Variants in SPEM2 observed in about 807,000 individuals in gnomAD.
The protein encoded by SPEM2 is SPEM family member 2, also known as uncharacterized protein SPEM2.
In SPEM2, 15 loss-of-function variants were observed where a neutral mutation model predicts 9.3. The ratio of observed to expected loss-of-function variants is 1.62; its 90% confidence interval spans 1.08 to 2.50. The LOEUF (loss-of-function observed/expected upper bound fraction) is 2.50, where lower values mean the gene tolerates loss of function less well. Among genes scored for constraint, SPEM2 ranks in the 30% most tolerant of loss-of-function variants. The pLI, the probability that SPEM2 is intolerant of heterozygous loss-of-function variation, is 0.00. For missense variants in SPEM2, 678 were observed against 690.0 expected (o/e 0.98, Z 0.19); for synonymous variants, 268 against 272.4 (o/e 0.98, Z 0.16).
In SPEM2 at chr17:7,426,364, C is replaced by T. The variant is rs367658611; in HGVS notation, c.373C>T (p.Arg125Cys). The T allele has an allele frequency of 2.5e-5, 41 of 1,613,706 alleles. No homozygotes were observed. The highest frequency in any genetic ancestry group is 1.6e-4 in the Middle Eastern group (1 of 6,062). Residue 125 changes from arginine (R) to cysteine (C), a missense_variant, in exon 3 of 3, where the codon CGT (arginine) becomes TGT (cysteine). Arg to Cys is a radical substitution (Grantham distance 180, BLOSUM62 -3). Coordinates refer to ENST00000333870, the MANE Select transcript of SPEM2 (RefSeq NM_175734.5). The surrounding 1 kb of genome is among the most constrained non-coding windows in gnomAD (Gnocchi z 5.3). The stretch of plus-strand genomic sequence containing the variant: ...CAGTAGCAGTCTTCTTCGCTGTGTT[C>T]GTCGCCGCCGCCGCCGCCACCGCCG... ...HHSSSLLRCV[R>C]RRRRRHRRCR...
In SPEM2 at chr17:7,426,214, C is replaced by A; in HGVS notation, c.223C>A (p.Pro75Thr). The A allele has an allele frequency of 6.2e-7, 1 of 1,613,854 alleles. No homozygotes were observed. Among genetic ancestry groups the A allele is most frequent in the Non-Finnish European group, 8.5e-7 (1 of 1,179,818 alleles). The stretch of plus-strand genomic sequence containing the variant: ...TGAAATTCAGGCCAGTGAAAGTCCC[C>A]CAAGTGGTCCCCCAGACAAGGCTCA... ...KNEIQASESP[P>T]SGPPDKAQDV... Residue 75 changes from proline (P) to threonine (T), a missense_variant, in exon 3 of 3, where the codon CCA becomes ACA. Coordinates refer to ENST00000333870, the MANE Select transcript of SPEM2 (RefSeq NM_175734.5). This position sits in a 1 kb window ranked among gnomAD's most constrained non-coding sequence, Gnocchi z 5.3.
chr17:7,426,042 C>G lies in SPEM2; in HGVS notation c.188C>G (p.Thr63Ser). ...TTAGACAAGATGATTGATTGGGCTA[C>G]TCAGAAAAGTAAGTGTGGCTGCTGG... ...NALDKMIDWA[T>S]QKNEIQASES... The change falls in exon 2 of 3, where the codon ACT (threonine) becomes AGT (serine). Residue 63 changes from threonine to serine, a missense_variant. By Grantham distance (58) the Thr-to-Ser change is moderately conservative. Coordinates refer to ENST00000333870, the MANE Select transcript of SPEM2 (RefSeq NM_175734.5). This position sits in a 1 kb window ranked among gnomAD's most constrained non-coding sequence, Gnocchi z 5.3. The G allele has an allele frequency of 6.2e-7, 1 of 1,614,182 alleles. No homozygotes were observed. Among genetic ancestry groups the G allele is most frequent in the Middle Eastern group, 1.6e-4 (1 of 6,062 alleles).
chr17:7,427,520 G>C lies in SPEM2; in HGVS notation c.*23G>C. ...TGACCAGCAGGCGGATGTGGGGTGT[G>C]GGGCAGGGCATGGAGGGAGAGGAAT... is the stretch of plus-strand genomic sequence containing the variant. On this transcript the variant is annotated 3_prime_UTR_variant, in exon 3 of 3. Coordinates refer to ENST00000333870, the MANE Select transcript of SPEM2 (RefSeq NM_175734.5). The surrounding 1 kb of genome is among the most constrained non-coding windows in gnomAD (Gnocchi z 5.4). 1 of 1,547,792 alleles carries C rather than the reference G, an allele frequency of 6.5e-7. No individual in the cohort carries two copies. The highest frequency in any genetic ancestry group is 1.2e-5 in the South Asian group (1 of 80,260).
At position 7,426,830 on chromosome 17, in the gene SPEM2, C is replaced by T. The variant is rs762565191; in HGVS notation, c.839C>T (p.Pro280Leu). Residue 280 changes from proline to leucine, a missense_variant, in exon 3 of 3, where the codon CCA becomes CTA. Pro to Leu is a moderately conservative substitution (Grantham distance 98). Transcript: ENST00000333870. This position sits in a 1 kb window ranked among gnomAD's most constrained non-coding sequence, Gnocchi z 5.3. ...NVEAEQWASS[P>L]PPPHRLPPNP... ...GAGGCTGAGCAGTGGGCCTCGTCTC[C>T]ACCACCTCCCCACCGGCTGCCCCCT... The T allele has an allele frequency of 2.5e-6, 4 of 1,609,178 alleles. No homozygotes were observed. The highest frequency in any genetic ancestry group is 1.7e-4 in the Middle Eastern group (1 of 6,044).
chr17:7,426,221 G>GT lies in SPEM2; in HGVS notation c.231dup (p.Pro78SerfsTer41). 1 of 1,613,880 alleles carries GT rather than the reference G, an allele frequency of 6.2e-7. No individual in the cohort carries two copies. The highest frequency in any genetic ancestry group is 8.5e-7 in the Non-Finnish European group (1 of 1,179,878). The stretch of plus-strand genomic sequence containing the variant: ...CAGGCCAGTGAAAGTCCCCCAAGTG[G>GT]TCCCCCAGACAAGGCTCAGGATGTC... On this transcript the variant is annotated frameshift_variant, in exon 3 of 3. Coordinates refer to ENST00000333870, the MANE Select transcript of SPEM2 (RefSeq NM_175734.5). LOFTEE classifies it low-confidence loss of function (END_TRUNC). This position sits in a 1 kb window ranked among gnomAD's most constrained non-coding sequence, Gnocchi z 5.3.
In SPEM2 at chr17:7,427,311, T is replaced by A. The variant is rs771333790; in HGVS notation, c.1320T>A (p.Pro440=). ...AAGTCCAGGCTGCGGACCCTGCCCC[T>A]CCCCCGACCATGTTTGTCCCACTCA... The part of the protein sequence containing the change: ...WPKVQAADPA[P]PPTMFVPLSR... Residue 440 remains proline, a synonymous_variant, in exon 3 of 3, where the codon CCT becomes CCA. Transcript: ENST00000333870. The surrounding 1 kb of genome is among the most constrained non-coding windows in gnomAD (Gnocchi z 5.4). 3 of 1,613,406 alleles carry A rather than the reference T, an allele frequency of 1.9e-6. No individual in the cohort carries two copies. In the African/African-American group the frequency reaches 4.0e-5, roughly 22 times the overall value.
chr17:7,425,944 G>T (rs762402607), intron 1 of SPEM2, 49 bp from the exon 2 acceptor site: 2 of 1,612,880 alleles, frequency 1.2e-6, no homozygotes, highest in Admixed American at 3.3e-5. Context: ...AGGGGTGGTG[G>T]TGCTGGGCGC....
In SPEM2 at chr17:7,426,690, T is replaced by C. The variant is rs1907621997; in HGVS notation, c.699T>C (p.Ser233=). The stretch of plus-strand genomic sequence containing the variant: ...TCCTGGCCAGTCTGCCACCACCCTC[T>C]CTCTACCTGTCACCTGAGCTGCGCT... ...GGILASLPPP[S]LYLSPELRCM... Residue 233 remains serine (S), a synonymous_variant, in exon 3 of 3, where the codon TCT becomes TCC. Transcript: ENST00000333870. The surrounding 1 kb of genome is among the most constrained non-coding windows in gnomAD (Gnocchi z 5.3). 6.2e-7 allele frequency: 1 copy of C among 1,613,964 alleles called. No individual in the cohort carries two copies. The highest frequency in any genetic ancestry group is 1.3e-5 in the African/African-American group (1 of 75,034).
rs916477669 is a variant in SPEM2 at position 7,427,144 on chromosome 17, G to A, written c.1153G>A (p.Ala385Thr). 3.7e-6 allele frequency: 6 copies of A among 1,613,412 alleles called. No homozygotes were observed. Among genetic ancestry groups the A allele is most frequent in the Non-Finnish European group, 5.1e-6 (6 of 1,179,746 alleles). The stretch of plus-strand genomic sequence containing the variant: ...GGACCCCCGTGAGGTGCGGCGTCGG[G>A]CAGCTGACTGGGCTGAGGCTCTGCC... ...SQDPREVRRR[A>T]ADWAEALPAW... is the part of the protein sequence containing the mutation. Residue 385 changes from alanine to threonine, a missense_variant, in exon 3 of 3, where the codon GCA becomes ACA. By Grantham distance (58) the Ala-to-Thr change is moderately conservative (BLOSUM62 0). Coordinates refer to ENST00000333870, the MANE Select transcript of SPEM2 (RefSeq NM_175734.5). This position sits in a 1 kb window ranked among gnomAD's most constrained non-coding sequence, Gnocchi z 5.4.
Position 7,427,090 on chromosome 17 carries a change from T to C in SPEM2, c.1099T>C (p.Ser367Pro), listed in dbSNP as rs757865860. 6 of 1,613,428 alleles carry C rather than the reference T, an allele frequency of 3.7e-6. 1 individual carries two copies. In the South Asian group the frequency reaches 6.6e-5, roughly 18 times the overall value. Residue 367 changes from serine to proline, a missense_variant, in exon 3 of 3, where the codon TCC (serine) becomes CCC (proline). Physicochemically the swap from Ser to Pro is moderately conservative, Grantham distance 74 (BLOSUM62 -1). Coordinates refer to ENST00000333870, the MANE Select transcript of SPEM2 (RefSeq NM_175734.5). This position sits in a 1 kb window ranked among gnomAD's most constrained non-coding sequence, Gnocchi z 5.4. ...CCAGTCCCACCGCAGTCCCCACCCA[T>C]CCACGGAACCCTTGGGCTACAGCTC... Reference protein sequence around the residue: ...YGQSHRSPHPSTEPLGYSSQD... With the variant: ...YGQSHRSPHPPTEPLGYSSQD...
rs565155443 is a variant in SPEM2, at chr17:7,427,277, C to T, written c.1286C>T (p.Pro429Leu). 10 of 1,614,208 alleles carry T rather than the reference C, an allele frequency of 6.2e-6. No individual in the cohort carries two copies. The highest frequency in any genetic ancestry group is 4.5e-5 in the East Asian group (2 of 44,880). The change falls in exon 3 of 3, where the codon CCC (proline) becomes CTC (leucine). Residue 429 changes from proline (P) to leucine (L), a missense_variant. By Grantham distance (98) the Pro-to-Leu change is moderately conservative. Transcript: ENST00000333870. The surrounding 1 kb of genome is among the most constrained non-coding windows in gnomAD (Gnocchi z 5.4). The stretch of plus-strand genomic sequence containing the variant: ...GTGCTGGTCCCCCATTCCTCCCAGC[C>T]CTGGCCCAAAGTCCAGGCTGCGGAC... ...SSVLVPHSSQ[P>L]WPKVQAADPA... is the part of the protein sequence containing the mutation.
In SPEM2 at chr17:7,427,076, G is replaced by T; in HGVS notation, c.1085G>T (p.Arg362Leu). ...LLGHAYGQSHRSPHPSTEPLG... is the reference protein window; with the variant it reads ...LLGHAYGQSHLSPHPSTEPLG... ...GGTCACGCCTATGGCCAGTCCCACC[G>T]CAGTCCCCACCCATCCACGGAACCC... The change falls in exon 3 of 3, where the codon CGC becomes CTC. Residue 362 changes from arginine to leucine, a missense_variant. Coordinates refer to ENST00000333870, the MANE Select transcript of SPEM2 (RefSeq NM_175734.5). This position sits in a 1 kb window ranked among gnomAD's most constrained non-coding sequence, Gnocchi z 5.4. 1 of 1,613,044 alleles carries T rather than the reference G, an allele frequency of 6.2e-7. No homozygotes were observed.
chr17:7,425,791 G>C lies in SPEM2; in HGVS notation c.103G>C (p.Val35Leu). ...CTTACTCCTGCTGCTGGGCCTCATC[G>C]TTCTTGTCAACATTGGCATCAACGT... ...DILLLLLGLI[V>L]LVNIGINVAT... The change falls in exon 1 of 3, where the codon GTT becomes CTT. Residue 35 changes from valine to leucine, a missense_variant. Physicochemically the swap from Val to Leu is conservative, Grantham distance 32 (BLOSUM62 1). Coordinates refer to ENST00000333870, the MANE Select transcript of SPEM2 (RefSeq NM_175734.5). 1.9e-6 allele frequency: 3 copies of C among 1,614,202 alleles called. No individual in the cohort carries two copies. Among genetic ancestry groups the C allele is most frequent in the Admixed American group, 1.7e-5 (1 of 60,034 alleles).
Position 7,427,489 on chromosome 17 carries a change from C to G in SPEM2, c.1498C>G (p.Leu500Val), listed in dbSNP as rs776080286. ...TCTGCACAGGAGCCAGACCGAGAAA[C>G]TCAACTGACCAGCAGGCGGATGTGG... ...PSLHRSQTEK[L>V]N Residue 500 changes from leucine to valine, a missense_variant, in exon 3 of 3, where the codon CTC becomes GTC. Leu to Val is a conservative substitution (Grantham distance 32, BLOSUM62 1). Coordinates refer to ENST00000333870, the MANE Select transcript of SPEM2 (RefSeq NM_175734.5). This position sits in a 1 kb window ranked among gnomAD's most constrained non-coding sequence, Gnocchi z 5.4. 3 of 1,568,354 alleles carry G rather than the reference C, an allele frequency of 1.9e-6. No homozygotes were observed. In the East Asian group the frequency reaches 6.8e-5, roughly 35 times the overall value.
chr17:7,427,322 T>C lies in SPEM2; in HGVS notation c.1331T>C (p.Met444Thr). 5.6e-6 allele frequency: 9 copies of C among 1,613,896 alleles called. No individual in the cohort carries two copies. Among genetic ancestry groups the C allele is most frequent in the Non-Finnish European group, 7.6e-6 (9 of 1,179,926 alleles). ...QAADPAPPPT[M>T]FVPLSRNPGG... Reference sequence around the variant, plus strand: ...GCGGACCCTGCCCCTCCCCCGACCATGTTTGTCCCACTCAGCCGGAATCCA... The same window carrying C: ...GCGGACCCTGCCCCTCCCCCGACCACGTTTGTCCCACTCAGCCGGAATCCA... Residue 444 changes from methionine to threonine, a missense_variant, in exon 3 of 3, where the codon ATG becomes ACG. Coordinates refer to ENST00000333870, the MANE Select transcript of SPEM2 (RefSeq NM_175734.5). This position sits in a 1 kb window ranked among gnomAD's most constrained non-coding sequence, Gnocchi z 5.4.
At position 7,425,761 on chromosome 17, in the gene SPEM2, G is replaced by C; in HGVS notation, c.73G>C (p.Asp25His). 2 of 1,614,204 alleles carry C rather than the reference G, an allele frequency of 1.2e-6. No individual in the cohort carries two copies. Among genetic ancestry groups the C allele is most frequent in the South Asian group, 2.2e-5 (2 of 91,086 alleles). Residue 25 changes from aspartate to histidine, a missense_variant, in exon 1 of 3, where the codon GAC (aspartate) becomes CAC (histidine). Physicochemically the swap from Asp to His is moderately conservative, Grantham distance 81 (BLOSUM62 -1). Coordinates refer to ENST00000333870, the MANE Select transcript of SPEM2 (RefSeq NM_175734.5). ...CCAAGAAAGCCCCCACGATGCCGAGGACATCTTACTCCTGCTGCTGGGCCT... is the reference window on the plus strand; with the variant it reads ...CCAAGAAAGCCCCCACGATGCCGAGCACATCTTACTCCTGCTGCTGGGCCT... ...QYQESPHDAE[D>H]ILLLLLGLIV...
Position 7,426,555 on chromosome 17 carries a change from G to A in SPEM2, c.564G>A (p.Glu188=). The change falls in exon 3 of 3, where the codon GAG becomes GAA. Residue 188 remains glutamate (E), a synonymous_variant. Coordinates refer to ENST00000333870, the MANE Select transcript of SPEM2 (RefSeq NM_175734.5). This position sits in a 1 kb window ranked among gnomAD's most constrained non-coding sequence, Gnocchi z 5.3. The stretch of plus-strand genomic sequence containing the variant: ...ACCCGGATTCCTACCTGGAGGAGGA[G>A]GACAACCTGCCCTTCCCGTATCCCA... ...QEDPDSYLEE[E]DNLPFPYPKY... is the part of the protein sequence containing the mutation. 6.2e-7 allele frequency: 1 copy of A among 1,614,138 alleles called. No homozygotes were observed.
At position 7,426,061 on chromosome 17, in the gene SPEM2, C is replaced by A; in HGVS notation, c.196+11C>A. On this transcript the variant is annotated intron_variant, in intron 2 of 2. Transcript: ENST00000333870. The surrounding 1 kb of genome is among the most constrained non-coding windows in gnomAD (Gnocchi z 5.3). ...GGGCTACTCAGAAAAGTAAGTGTGG[C>A]TGCTGGAGAGGTAGGGGACCCCCAT... 6.2e-7 allele frequency: 1 copy of A among 1,614,148 alleles called. No individual in the cohort carries two copies. Among genetic ancestry groups the A allele is most frequent in the Middle Eastern group, 1.7e-4 (1 of 6,060 alleles).
rs752912269 is a variant in SPEM2 at position 7,426,296 on chromosome 17, C to G, written c.305C>G (p.Thr102Arg). The part of the protein sequence containing the change: ...DPVQVKMSRP[T>R]QYSSFSCHHF... ...GTGCAGGTGAAGATGTCCCGACCCA[C>G]GCAGTACTCCTCTTTCTCCTGCCAC... Residue 102 changes from threonine to arginine, a missense_variant, in exon 3 of 3, where the codon ACG (threonine) becomes AGG (arginine). Transcript: ENST00000333870. This position sits in a 1 kb window ranked among gnomAD's most constrained non-coding sequence, Gnocchi z 5.3. The G allele has an allele frequency of 6.2e-7, 1 of 1,614,204 alleles. No individual in the cohort carries two copies. Among genetic ancestry groups the G allele is most frequent in the Admixed American group, 1.7e-5 (1 of 60,024 alleles).
Sources: allele counts gnomAD v4.1 joint callset, GRCh38; gene constraint gnomAD v4.1.1; non-coding constraint Gnocchi (gnomAD v3.1); transcripts MANE v1.5; gene names NCBI Gene and HGNC (gene_info 2026-07-23, HGNC 2026-07-21).